RNF41: variants seen among roughly 807,000 people sequenced by gnomAD.
RNF41 encodes ring finger protein 41.
A neutral mutation model predicts 33.0 loss-of-function variants in RNF41; 4 were observed. The observed-to-expected ratio is 0.12, with a 90% CI of 0.06 to 0.28. RNF41 has a LOEUF of 0.28. RNF41 is among the 10% of genes least tolerant of loss of function. RNF41 has a pLI of 1.00. For missense variants in RNF41, 228 were observed against 432.6 expected, an observed-to-expected ratio of 0.53 and a Z score of 4.19; for synonymous variants, 164 against 153.2, an observed-to-expected ratio of 1.07 and a Z score of -0.52.
intron 1 of RNF41, among the ~76,000 whole-genome samples, chr12:56,220,408 G>C (rs1869289142): frequency 6.6e-6 from 1 of 151,714 alleles, no homozygotes; most frequent in South Asian, 2.1e-4. Flanking sequence ...GTAGAGACGG[G>C]GTTTCACTGT....
intron 1 of RNF41, among the ~76,000 whole-genome samples, chr12:56,219,643 ATGTG>A (rs1565947215): frequency 4.3e-5 from 2 of 46,072 alleles, no homozygotes; most frequent in African/African-American, 9.9e-5. Context: ...AGGTGTATAT[ATGTG>A]TGTGTGTGTA....
At chr12:56,208,338 C>T (rs896021007) in intron 4 of RNF41, 40 bp from the exon 5 acceptor site, 3 of 1,607,704 alleles carry the variant, frequency 1.9e-6, no homozygotes, top group Non-Finnish European at 2.6e-6. Flanking sequence ...CAGAGGTGAT[C>T]CCTGGGACAT....
At position 56,208,108 on chromosome 12, in the gene RNF41, G is replaced by C. The variant is rs1868308542; in HGVS notation, c.498+55C>G. On this transcript the variant is annotated intron_variant, in intron 5 of 6. Transcript: ENST00000345093. ...CACAACTGGTTTTTATTACCCACAGGCAGGCAGTTATCTGCATATGAGGGA... is the reference window on the plus strand; with the variant it reads ...CACAACTGGTTTTTATTACCCACAGCCAGGCAGTTATCTGCATATGAGGGA... The C allele has an allele frequency of 1.0e-5, 16 of 1,605,288 alleles. No homozygotes were observed. In the South Asian group the frequency reaches 1.7e-4, roughly 17 times the overall value.
chr12:56,207,392 T>C lies in RNF41; in HGVS notation c.602+254A>G, dbSNP rs1868290801. ...TTTAATACAGGGCTTTGTACATGGG[T>C]ACTCACCTAATTCTGGATAAAGTGC... is the stretch of plus-strand genomic sequence containing the variant. On this transcript the variant is annotated intron_variant, in intron 6 of 6. Transcript: ENST00000345093. The C allele has an allele frequency of 1.0e-5, 9 of 859,756 alleles. No individual in the cohort carries two copies. The South Asian group carries it at 1.1e-4, about 11-fold the overall frequency. The allele number at this position is 859,756 out of a possible 1,614,324, so 53.3% of individuals were successfully genotyped here. A position where few individuals can be genotyped will look rare whatever the true frequency, so the allele number is the denominator to read the frequency against.
At chr12:56,208,905 C>G (rs923780041) in intron 4 of RNF41, among the ~76,000 whole-genome samples, 1 of 142,346 alleles carries the variant, frequency 7.0e-6, no homozygotes, top group Non-Finnish European at 1.5e-5. Flanking sequence ...ACTCTTGTCA[C>G]CCAGGCTGGA....
In RNF41 at chr12:56,208,436, CTTGT is replaced by C. The variant is rs564787525; in HGVS notation, c.363-142_363-139del. The C allele has an allele frequency of 5.5e-5, 43 of 784,598 alleles. 1 individual carries two copies. The South Asian group carries it at 8.1e-4, about 15-fold the overall frequency. The allele number at this position is 784,598 out of a possible 1,614,324, so 48.6% of individuals were successfully genotyped here. On this transcript the variant is annotated intron_variant, in intron 4 of 6. Transcript: ENST00000345093. ...TCTAACATTCATTTCAGGCCTCCCTCTTGTTTATTCCCTTCACTTTCTTCGTCCA... is the reference window on the plus strand; with the variant it reads ...TCTAACATTCATTTCAGGCCTCCCTCTTATTCCCTTCACTTTCTTCGTCCA...
chr12:56,203,136 A>G lies in RNF41; in HGVS notation c.*3311T>C, dbSNP rs1478908498. The G allele has an allele frequency of 6.6e-6, 1 of 151,956 alleles. No homozygotes were observed. Among genetic ancestry groups the G allele is most frequent in the Non-Finnish European group, 1.5e-5 (1 of 68,002 alleles). The allele number at this position is 151,956 out of a possible 1,614,324, so 9.4% of individuals were successfully genotyped here. ...ACATCAGGTGCATGATAAATGCTCA[A>G]ATTTAAAACAAACTTCTGGGAGGAG... On this transcript the variant is annotated 3_prime_UTR_variant, in exon 7 of 7. Transcript: ENST00000345093.
intron 1 of RNF41, among the ~76,000 whole-genome samples, chr12:56,218,370 C>G (rs956827847): frequency 1.3e-5 from 2 of 151,862 alleles, no homozygotes; most frequent in Non-Finnish European, 2.9e-5. Flanking sequence ...TCCAGCAATC[C>G]TCCCACCTCA....
At chr12:56,208,007 A>G (rs1466985285) in intron 5 of RNF41, 156 bp downstream of exon 5, 2 of 903,126 alleles carry the variant, frequency 2.2e-6, no homozygotes, top group South Asian at 1.5e-5. Flanking sequence ...GAGAGCTCCA[A>G]TCTGATTCCC....
rs1034743387 is a variant in RNF41 at position 56,205,119 on chromosome 12, G to A, written c.*1328C>T. 7 of 152,204 alleles carry A rather than the reference G, an allele frequency of 4.6e-5. No individual in the cohort carries two copies. The highest frequency in any genetic ancestry group is 1.3e-4 in the Admixed American group (2 of 15,282). The allele number at this position is 152,204 out of a possible 1,614,324, so 9.4% of individuals were successfully genotyped here. A position where few individuals can be genotyped will look rare whatever the true frequency, so the allele number is the denominator to read the frequency against. ...TAGAACCCAGCTATACAGCTCCAAGGAAACTTGGGGAAGGGGGAGTTGCCT... is the reference window on the plus strand; with the variant it reads ...TAGAACCCAGCTATACAGCTCCAAGAAAACTTGGGGAAGGGGGAGTTGCCT... On this transcript the variant is annotated 3_prime_UTR_variant, in exon 7 of 7. Transcript: ENST00000345093.
intron 1 of RNF41, among the ~76,000 whole-genome samples, chr12:56,218,657 T>C (rs888090085): frequency 6.6e-6 from 1 of 150,510 alleles, no homozygotes; most frequent in Non-Finnish European, 1.5e-5. Flanking sequence ...ACCTGCCTTA[T>C]ATATTAATAT....
chr12:56,217,774 T>C (rs886998500), intron 1 of RNF41, among the ~76,000 whole-genome samples: 2 of 151,946 alleles, frequency 1.3e-5, no homozygotes, highest in Non-Finnish European at 2.9e-5. Flanking sequence ...TGAACCCTAT[T>C]GTGAACTGCC....
intron 4 of RNF41, among the ~76,000 whole-genome samples, chr12:56,209,011 CCCA>C (rs1250321790): frequency 6.6e-6 from 1 of 150,382 alleles, no homozygotes; most frequent in East Asian, 2.0e-4. Flanking sequence ...ATTACAGGTG[CCCA>C]CCACCACACC....
At chr12:56,211,942 A>G (rs982739431) in intron 3 of RNF41, among the ~76,000 whole-genome samples, 4 of 151,988 alleles carry the variant, frequency 2.6e-5, no homozygotes, top group Non-Finnish European at 5.9e-5. Context: ...ACTGCACTCC[A>G]GCCTAGGCTA....
At chr12:56,221,010 G>C (rs572795821) in intron 1 of RNF41, among the ~76,000 whole-genome samples, 1 of 152,148 alleles carries the variant, frequency 6.6e-6, no homozygotes, top group African/African-American at 2.4e-5. Context: ...CAGTCCCCAA[G>C]AACAGTGGCC....
At chr12:56,216,361 GAA>G (rs1868892125) in intron 2 of RNF41, 66 bp downstream of exon 2, 1 of 152,222 alleles carries the variant, frequency 6.6e-6, no homozygotes, top group Non-Finnish European at 1.5e-5. Context: ...TTCAAGGGCA[GAA>G]GGAATCCCGA....
intron 5 of RNF41, 72 bp downstream of exon 5, chr12:56,208,091 G>A: frequency 6.3e-7 from 1 of 1,582,288 alleles, no homozygotes; most frequent in East Asian, 2.2e-5. Flanking sequence ...TTCACAACTG[G>A]TTTTTATTAC....
rs1475491782 is a variant in RNF41 at position 56,202,649 on chromosome 12, C to G, written c.*3798G>C. The G allele has an allele frequency of 1.3e-5, 2 of 152,164 alleles. No homozygotes were observed. The highest frequency in any genetic ancestry group is 2.9e-5 in the Non-Finnish European group (2 of 68,034). 9.4% of individuals were successfully genotyped at this position (152,164 alleles called of 1,614,324 possible). ...TCCTGATACCCATCAGAATCAGGAG[C>G]TTTATCGTCCTTGGCTCACATATTA... On this transcript the variant is annotated 3_prime_UTR_variant, in exon 7 of 7. Coordinates refer to ENST00000345093, the MANE Select transcript of RNF41 (RefSeq NM_005785.4).
At position 56,208,286 on chromosome 12, in the gene RNF41, G is replaced by A. The variant is rs759809592; in HGVS notation, c.375C>T (p.Pro125=). ...TCEQGCGLEM[P]KDELPNHNCI... The stretch of plus-strand genomic sequence containing the variant: ...AGTTATGGTTGGGCAGCTCATCTTT[G>A]GGCATCTCCAGGCTGCAGACCAGGG... The change falls in exon 5 of 7, where the codon CCC becomes CCT. Residue 125 remains proline (P), a synonymous_variant. Transcript: ENST00000345093. The A allele has an allele frequency of 6.2e-7, 1 of 1,614,104 alleles. No individual in the cohort carries two copies. Among genetic ancestry groups the A allele is most frequent in the Admixed American group, 1.7e-5 (1 of 60,010 alleles).
Sources: gnomAD v4.1 joint callset for allele counts (sites outside exome capture counted in the v4.1 genomes callset) on GRCh38, gnomAD v4.1.1 for gene constraint, MANE v1.5 for transcripts, NCBI Gene and HGNC (gene_info 2026-07-23, HGNC 2026-07-21) for gene names.